Variants in AIM2 observed in about 807,000 individuals in gnomAD.
The protein encoded by AIM2 is interferon-inducible protein AIM2.
A neutral mutation model predicts 27.7 loss-of-function variants in AIM2; 30 were observed. The ratio of observed to expected loss-of-function variants is 1.08; its 90% CI spans 0.81 to 1.47. The LOEUF (loss-of-function observed/expected upper bound fraction) is 1.47. Ranked by LOEUF, AIM2 falls within the 40% of genes most tolerant of loss-of-function variation. The pLI is 0.00. For synonymous variants in AIM2, 141 were observed against 145.3 expected, an observed-to-expected ratio of 0.97 and a Z score of 0.21; for missense variants, 358 against 411.3, an observed-to-expected ratio of 0.87 and a Z score of 1.12.
At chr1:159,082,501 C>T (rs1400348795) in intron 1 of AIM2, among the ~76,000 whole-genome samples, 2 of 151,884 alleles carry the variant, frequency 1.3e-5, no homozygotes, top group Non-Finnish European at 2.9e-5. Flanking sequence ...TTCTTTCTCT[C>T]TTTCTTTTTT....
intron 1 of AIM2, among the ~76,000 whole-genome samples, chr1:159,112,099 A>G (rs1657589712): frequency 6.6e-6 from 1 of 152,132 alleles, no homozygotes; most frequent in Non-Finnish European, 1.5e-5. Context: ...TATTTCAATT[A>G]CCCTGATACG....
At chr1:159,078,668 A>C (rs1000567467), upstream of AIM2, among the ~76,000 whole-genome samples, 1 of 152,202 alleles carries the variant, frequency 6.6e-6, no homozygotes, top group African/African-American at 2.4e-5. Flanking sequence ...TTTTACCAAG[A>C]AATTTAATCA....
intron 1 of AIM2, among the ~76,000 whole-genome samples, chr1:159,087,030 A>T (rs1191920172): frequency 1.3e-5 from 2 of 152,230 alleles, no homozygotes; most frequent in Non-Finnish European, 2.9e-5. Context: ...CTCCAAGTGT[A>T]CATTTGAAAC....
At chr1:159,112,761 G>T (rs1177545768) in intron 1 of AIM2, among the ~76,000 whole-genome samples, 1 of 152,110 alleles carries the variant, frequency 6.6e-6, no homozygotes, top group South Asian at 2.1e-4. Flanking sequence ...ACACCTAATG[G>T]ACTAAAGGAA....
At chr1:159,143,575 A>C (rs1220330246), upstream of AIM2, among the ~76,000 whole-genome samples, 1 of 127,538 alleles carries the variant, frequency 7.8e-6, no homozygotes, top group Non-Finnish European at 1.6e-5. Flanking sequence ...TGCCAGGCTC[A>C]GTGTGTACAC....
intron 1 of AIM2, among the ~76,000 whole-genome samples, chr1:159,139,126 A>T (rs1648065234): frequency 6.6e-6 from 1 of 152,212 alleles, no homozygotes; most frequent in African/African-American, 2.4e-5. Context: ...GTTGAAGGCT[A>T]GGCAATAGTT....
upstream of AIM2, among the ~76,000 whole-genome samples, chr1:159,077,847 T>C (rs1340294268): frequency 6.6e-6 from 1 of 152,192 alleles, no homozygotes; most frequent in Non-Finnish European, 1.5e-5. Context: ...ACATCTAATA[T>C]GATGTATTAG....
At chr1:159,058,365 A>G (rs1293702408), downstream of AIM2, among the ~76,000 whole-genome samples, 1 of 147,392 alleles carries the variant, frequency 6.8e-6, no homozygotes, top group Non-Finnish European at 1.5e-5. Flanking sequence ...AAAAAAAAAA[A>G]AGGAGTGGGG....
chr1:159,078,858 G>C (rs560106427), upstream of AIM2, among the ~76,000 whole-genome samples: 1 of 152,170 alleles, frequency 6.6e-6, no homozygotes, highest in Non-Finnish European at 1.5e-5. Context: ...GGCTCCTACT[G>C]TAGCAACTGG....
chr1:159,083,604 G>T (rs1036323334), intron 1 of AIM2, among the ~76,000 whole-genome samples: 4 of 151,970 alleles, frequency 2.6e-5, no homozygotes, highest in Non-Finnish European at 5.9e-5. Context: ...ATACCATTTA[G>T]CTCTACTAAA....
At chr1:159,130,497 C>T (rs1335392075) in intron 1 of AIM2, among the ~76,000 whole-genome samples, 1 of 152,148 alleles carries the variant, frequency 6.6e-6, no homozygotes, top group African/African-American at 2.4e-5. Flanking sequence ...TCCCCTTTCT[C>T]ATTAAAAGGC....
chr1:159,060,629 T>G (rs1655802618), downstream of AIM2, among the ~76,000 whole-genome samples: 1 of 152,236 alleles, frequency 6.6e-6, no homozygotes, highest in African/African-American at 2.4e-5. Flanking sequence ...CTTTATGGAA[T>G]GTCATAAAAT....
intron 1 of AIM2, among the ~76,000 whole-genome samples, chr1:159,088,233 G>A (rs1656962212): frequency 6.6e-6 from 1 of 152,144 alleles, no homozygotes; most frequent in Admixed American, 6.5e-5. Context: ...TGAGATGTGA[G>A]ACACAGAAGT....
chr1:159,060,373 A>G (rs1655793200), downstream of AIM2, among the ~76,000 whole-genome samples: 1 of 152,220 alleles, frequency 6.6e-6, no homozygotes, highest in South Asian at 2.1e-4. Context: ...AATATCAAAA[A>G]CATCCATAAT....
At chr1:159,074,041 AAAC>A (rs372355408) in intron 1 of AIM2, among the ~76,000 whole-genome samples, 18 of 152,074 alleles carry the variant, frequency 1.2e-4, no homozygotes, top group Middle Eastern at 3.4e-3. Context: ...CTTCATCTCA[AAAC>A]AACAACAACA....
At chr1:159,064,994 A>C (rs940781902) in intron 4 of AIM2, among the ~76,000 whole-genome samples, 1 of 152,202 alleles carries the variant, frequency 6.6e-6, no homozygotes, top group East Asian at 1.9e-4. Flanking sequence ...AAAGCTGAAA[A>C]CTGGGATAAA....
chr1:159,096,809 G>A (rs1273825170), intron 1 of AIM2, among the ~76,000 whole-genome samples: 1 of 152,078 alleles, frequency 6.6e-6, no homozygotes, highest in East Asian at 1.9e-4. Flanking sequence ...AAGACTTAGA[G>A]GTAACTTTCA....
chr1:159,133,385 T>TA (rs1248333164), intron 1 of AIM2, among the ~76,000 whole-genome samples: 2 of 152,212 alleles, frequency 1.3e-5, no homozygotes, highest in African/African-American at 4.8e-5. Flanking sequence ...GTTGGAGAGT[T>TA]ACCATAACGA....
intron 1 of AIM2, among the ~76,000 whole-genome samples, chr1:159,093,518 G>A (rs750968516): frequency 6.6e-6 from 1 of 152,040 alleles, no homozygotes; most frequent in African/African-American, 2.4e-5. Flanking sequence ...ACTTTTAGCA[G>A]CACTGTTAAA....
Sources: gnomAD v4.1 joint callset for allele counts (sites outside exome capture counted in the v4.1 genomes callset) on GRCh38, gnomAD v4.1.1 for gene constraint, MANE v1.5 for transcripts, NCBI Gene and HGNC (gene_info 2026-07-23, HGNC 2026-07-21) for gene names.